The following B3GAT2 variants were observed in gnomAD, a reference collection of about 807,000 sequenced individuals.
The protein encoded by B3GAT2 is galactosylgalactosylxylosylprotein 3-beta-glucuronosyltransferase 2.
In B3GAT2, 26 loss-of-function variants were observed where a neutral mutation model predicts 27.8. That is an observed-to-expected ratio of 0.93 (90% confidence interval 0.68 to 1.30). B3GAT2 has a LOEUF of 1.30. Among genes scored for constraint, B3GAT2 ranks in the 50% most tolerant of loss-of-function variants. The probability of loss-of-function intolerance (pLI) is 0.00; values close to 1 mark genes in which losing one functional copy is unlikely to be tolerated. For missense variants in B3GAT2, 458 were observed against 459.0 expected, an observed-to-expected ratio of 1.00 and a Z score of 0.02; for synonymous variants, 218 against 195.1, an observed-to-expected ratio of 1.12 and a Z score of -0.98.
At chr6:70,883,985 G>A (rs1254221832) in intron 2 of B3GAT2, among the ~76,000 whole-genome samples, 1 of 151,080 alleles carries the variant, frequency 6.6e-6, no homozygotes, top group Admixed American at 6.6e-5. Flanking sequence ...GGAAAGGACT[G>A]TGACCACTGA....
At chr6:70,945,601 G>A (rs1462210884) in intron 1 of B3GAT2, among the ~76,000 whole-genome samples, 1 of 150,892 alleles carries the variant, frequency 6.6e-6, no homozygotes, top group Non-Finnish European at 1.5e-5. Flanking sequence ...GTCTGATTGT[G>A]TACCTGAAAG....
chr6:70,944,843 C>T (rs1047411770), intron 1 of B3GAT2, among the ~76,000 whole-genome samples: 3 of 152,134 alleles, frequency 2.0e-5, no homozygotes, highest in African/African-American at 7.2e-5. Flanking sequence ...AGACTGACAC[C>T]TCACACGGCC....
chr6:70,856,741 T>C lies in B3GAT2; in HGVS notation c.*4922A>G. On this transcript the variant is annotated 3_prime_UTR_variant, in exon 4 of 4. Coordinates refer to ENST00000230053, the MANE Select transcript of B3GAT2 (RefSeq NM_080742.3). ...GTGATCCTCTTGAATGGCACCATTTTACCTTCTACAATTGTTTGATTCCTA... is the reference window on the plus strand; with the variant it reads ...GTGATCCTCTTGAATGGCACCATTTCACCTTCTACAATTGTTTGATTCCTA... 1.9e-6 allele frequency: 2 copies of C among 1,050,072 alleles called. No homozygotes were observed. Among genetic ancestry groups the C allele is most frequent in the Non-Finnish European group, 2.7e-6 (2 of 746,370 alleles). The allele number at this position is 1,050,072 out of a possible 1,614,324, so 65.0% of individuals were successfully genotyped here.
intron 1 of B3GAT2, among the ~76,000 whole-genome samples, chr6:70,938,291 G>A (rs1300190846): frequency 2.4e-5 from 3 of 126,928 alleles, no homozygotes; most frequent in Non-Finnish European, 5.0e-5. Context: ...ATGCTCATGG[G>A]TAGGAAGAAT....
In B3GAT2 at chr6:70,860,754, C is replaced by G; in HGVS notation, c.*909G>C. On this transcript the variant is annotated 3_prime_UTR_variant, in exon 4 of 4. Coordinates refer to ENST00000230053, the MANE Select transcript of B3GAT2 (RefSeq NM_080742.3). ...GGTACTGTATGATCAAATGTTTAAT[C>G]ATATAAATAGAATGTAAATGTCTCA... 2.5e-6 allele frequency: 1 copy of G among 400,122 alleles called. No individual in the cohort carries two copies. Among genetic ancestry groups the G allele is most frequent in the Non-Finnish European group, 4.4e-6 (1 of 226,740 alleles). The allele number at this position is 400,122 out of a possible 1,614,324, so 24.8% of individuals were successfully genotyped here. A position where few individuals can be genotyped will look rare whatever the true frequency, so the allele number is the denominator to read the frequency against.
At chr6:70,952,316 A>C (rs1183906334) in intron 1 of B3GAT2, among the ~76,000 whole-genome samples, 1 of 151,980 alleles carries the variant, frequency 6.6e-6, no homozygotes, top group Non-Finnish European at 1.5e-5. Context: ...TTAACTTCAA[A>C]ATTTCTAAAG....
chr6:70,933,007 C>G (rs141179257), intron 1 of B3GAT2, among the ~76,000 whole-genome samples: 1 of 152,190 alleles, frequency 6.6e-6, no homozygotes, highest in African/African-American at 2.4e-5. Context: ...ATGATGTTAC[C>G]CAAGCTGGTC....
intron 1 of B3GAT2, among the ~76,000 whole-genome samples, chr6:70,935,249 C>T (rs1773125014): frequency 6.6e-6 from 1 of 151,866 alleles, no homozygotes; most frequent in Admixed American, 6.6e-5. Context: ...AGCTTGAGAC[C>T]AGCCAGGGAA....
chr6:70,943,781 A>T (rs1010084926), intron 1 of B3GAT2, among the ~76,000 whole-genome samples: 1 of 152,186 alleles, frequency 6.6e-6, no homozygotes, highest in Non-Finnish European at 1.5e-5. Context: ...ACAAGACCAA[A>T]TATTATCAGG....
intron 2 of B3GAT2, among the ~76,000 whole-genome samples, chr6:70,870,809 G>T (rs189185855): frequency 6.6e-6 from 1 of 152,158 alleles, no homozygotes; most frequent in Admixed American, 6.5e-5. Flanking sequence ...GGGTCATCTT[G>T]TCTTATTCTT....
chr6:70,943,245 G>A (rs1055804099), intron 1 of B3GAT2, among the ~76,000 whole-genome samples: 4 of 152,128 alleles, frequency 2.6e-5, no homozygotes, highest in South Asian at 2.1e-4. Flanking sequence ...AGAAGAAATC[G>A]GACAAGAAAA....
In B3GAT2 at chr6:70,865,483, G is replaced by C. The variant is rs117421050; in HGVS notation, c.737-3505C>G. Among the ~76,000 whole-genome samples, 259 of 152,288 alleles carry C rather than the reference G, an allele frequency of 1.7e-3. 1 individual carries two copies. The highest frequency in any genetic ancestry group is 3.1e-3 in the Non-Finnish European group (209 of 68,022). On this transcript the variant is annotated intron_variant, in intron 2 of 3. Transcript: ENST00000230053. ...TTTGCATGGCATTTGCATTGTATTA[G>C]GTAAGTAATCTAGAGATGATTTAAA...
At chr6:70,908,204 G>C (rs1205906240) in intron 1 of B3GAT2, among the ~76,000 whole-genome samples, 1 of 152,218 alleles carries the variant, frequency 6.6e-6, no homozygotes. Flanking sequence ...CTAAATGGAA[G>C]AGAGTCAGGG....
chr6:70,857,875 C>G lies in B3GAT2; in HGVS notation c.*3788G>C. On this transcript the variant is annotated 3_prime_UTR_variant, in exon 4 of 4. Coordinates refer to ENST00000230053, the MANE Select transcript of B3GAT2 (RefSeq NM_080742.3). ...TCTGTGATTATAGAGATGAGTGCAACTACACGTGATAGCTCTGTCTTCATT... is the reference window on the plus strand; with the variant it reads ...TCTGTGATTATAGAGATGAGTGCAAGTACACGTGATAGCTCTGTCTTCATT... 6.3e-7 allele frequency: 1 copy of G among 1,586,826 alleles called. No homozygotes were observed. The highest frequency in any genetic ancestry group is 2.2e-5 in the East Asian group (1 of 44,672).
chr6:70,947,348 G>A (rs1765505376), intron 1 of B3GAT2, among the ~76,000 whole-genome samples: 1 of 151,806 alleles, frequency 6.6e-6, no homozygotes, highest in East Asian at 1.9e-4. Context: ...GACTAATAAA[G>A]AAGAAAAGAG....
Position 70,857,680 on chromosome 6 carries a change from G to T in B3GAT2, c.*3983C>A. 2.0e-6 allele frequency: 1 copy of T among 511,658 alleles called. No individual in the cohort carries two copies. The highest frequency in any genetic ancestry group is 3.5e-6 in the Non-Finnish European group (1 of 285,144). 31.7% of individuals were successfully genotyped at this position (511,658 alleles called of 1,614,324 possible). A position where few individuals can be genotyped will look rare whatever the true frequency, so the allele number is the denominator to read the frequency against. ...ACAGTGGAAGATATTTTGTGTGGCT[G>T]TTGCATATGATTTACATTTCTTAAT... is the stretch of plus-strand genomic sequence containing the variant. On this transcript the variant is annotated 3_prime_UTR_variant, in exon 4 of 4. Transcript: ENST00000230053.
chr6:70,937,578 G>T, intron 1 of B3GAT2, among the ~76,000 whole-genome samples: 1 of 151,970 alleles, frequency 6.6e-6, no homozygotes, highest in Non-Finnish European at 1.5e-5. Flanking sequence ...TTCATCCCTG[G>T]GATGCAAGGC....
In B3GAT2 at chr6:70,956,854, A is replaced by T; in HGVS notation, c.-425T>A. The T allele has an allele frequency of 9.7e-7, 1 of 1,029,380 alleles. No individual in the cohort carries two copies. The highest frequency in any genetic ancestry group is 3.6e-5 in the South Asian group (1 of 27,660). 63.8% of individuals were successfully genotyped at this position (1,029,380 alleles called of 1,614,324 possible). A position where few individuals can be genotyped will look rare whatever the true frequency, so the allele number is the denominator to read the frequency against. ...GCGGTGCTGCGGGCACAAGGGCTCC[A>T]GCCGCGGGCCCCCAGGACGCTCTCT... is the stretch of plus-strand genomic sequence containing the variant. On this transcript the variant is annotated 5_prime_UTR_variant, in exon 1 of 4. Coordinates refer to ENST00000230053, the MANE Select transcript of B3GAT2 (RefSeq NM_080742.3).
In B3GAT2 at chr6:70,956,303, A is replaced by C. The variant is rs1169091476; in HGVS notation, c.127T>G (p.Tyr43Asp). The C allele has an allele frequency of 1.3e-6, 2 of 1,598,202 alleles. No homozygotes were observed. Residue 43 changes from tyrosine (Y) to aspartate (D), a missense_variant, in exon 1 of 4, where the codon TAC becomes GAC. By Grantham distance (160) the Tyr-to-Asp change is radical. Transcript: ENST00000230053. ...PLTPRPYFSP[Y>D]AVGRGGARLP... ...CGGGCGCCCCCGCGGCCCACCGCGTAGGGAGAGAAGTAGGGGCGCGGGGTG... is the reference window on the plus strand; with the variant it reads ...CGGGCGCCCCCGCGGCCCACCGCGTCGGGAGAGAAGTAGGGGCGCGGGGTG...
Sources: gnomAD v4.1 joint callset for allele counts (sites outside exome capture counted in the v4.1 genomes callset) on GRCh38, gnomAD v4.1.1 for gene constraint, MANE v1.5 for transcripts, NCBI Gene and HGNC (gene_info 2026-07-23, HGNC 2026-07-21) for gene names.